The following TRIM55 variants were observed in gnomAD, a reference collection of about 807,000 sequenced individuals.
TRIM55 encodes the protein tripartite motif containing 55, also known as tripartite motif-containing protein 55.
TRIM55 carries 50 observed loss-of-function variants against 60.9 expected under a neutral mutation model. The ratio of observed to expected loss-of-function variants is 0.82; its 90% CI spans 0.65 to 1.04. TRIM55 has a LOEUF of 1.04. Among genes scored for constraint, TRIM55 ranks in the 50% least tolerant of loss-of-function variants. The probability of loss-of-function intolerance (pLI) is 0.00; values close to 1 mark genes in which losing one functional copy is unlikely to be tolerated. For missense variants in TRIM55, 681 were observed against 666.9 expected (o/e 1.02, Z -0.23); for synonymous variants, 237 against 238.1 (o/e 1.00, Z 0.04).
intron 2 of TRIM55, among the ~76,000 whole-genome samples, chr8:66,134,319 G>A (rs184136557): frequency 1.3e-5 from 2 of 152,142 alleles, no homozygotes; most frequent in Admixed American, 6.6e-5. Context: ...AATTCCTGGG[G>A]TTTATATAAG....
chr8:66,114,851 A>G, the TRIM55 span: 1 of 323,018 alleles, frequency 3.1e-6, no homozygotes, highest in South Asian at 2.6e-5. Context: ...CCTCCTGTGG[A>G]AGTTAACTGT....
At chr8:66,137,436 CT>C (rs1809546345) in intron 4 of TRIM55, among the ~76,000 whole-genome samples, 1 of 152,144 alleles carries the variant, frequency 6.6e-6, no homozygotes, top group Non-Finnish European at 1.5e-5. Flanking sequence ...TTCTTTCTTC[CT>C]TTTGAAAGAT....
intron 9 of TRIM55, among the ~76,000 whole-genome samples, chr8:66,160,451 T>G (rs555892747): frequency 6.6e-6 from 1 of 152,106 alleles, no homozygotes; most frequent in African/African-American, 2.4e-5. Flanking sequence ...ATTTTTCAAT[T>G]GTGAATTGTG....
At chr8:66,129,878 G>T (rs1214163224) in intron 2 of TRIM55, among the ~76,000 whole-genome samples, 2 of 152,320 alleles carry the variant, frequency 1.3e-5, no homozygotes, top group African/African-American at 4.8e-5. Flanking sequence ...CTAGTCCAGT[G>T]TCTTGCACAG....
the TRIM55 span, among the ~76,000 whole-genome samples, chr8:66,114,150 C>T: frequency 2.0e-5 from 3 of 147,358 alleles, no homozygotes; most frequent in African/African-American, 5.0e-5. Flanking sequence ...TGTTCTGACC[C>T]TTCTCTAAAG....
the TRIM55 span, chr8:66,115,328 A>C: frequency 2.0e-5 from 3 of 152,222 alleles, no homozygotes; most frequent in African/African-American, 7.2e-5. Flanking sequence ...TTTTAGTTGA[A>C]TGTATTGTAA....
At chr8:66,172,711 CAT>C (rs1181442658) in intron 9 of TRIM55, among the ~76,000 whole-genome samples, 1 of 152,236 alleles carries the variant, frequency 6.6e-6, no homozygotes, top group Non-Finnish European at 1.5e-5. Flanking sequence ...GCAGAAAACA[CAT>C]TACCCAACTT....
the TRIM55 span, chr8:66,114,804 CAGGGGCTGCCGTTGG>C: frequency 2.9e-6 from 1 of 340,084 alleles, no homozygotes; most frequent in East Asian, 7.6e-5. Context: ...TCCCTGGACA[CAGGGGCTGCCGTTGG>C]AGGAGGTTGT....
Position 66,152,424 on chromosome 8 carries a change from G to T in TRIM55, c.1033G>T (p.Gly345Ter). The change falls in exon 8 of 10, where the codon GGA (glycine) becomes TGA (stop). Residue 345 changes from glycine (G) to a stop codon, truncating the protein, a stop_gained. Coordinates refer to ENST00000315962, the MANE Select transcript of TRIM55 (RefSeq NM_184085.2). LOFTEE classifies it high-confidence loss of function. ...AGAAGGCGGAGAAGGAGAAAAAGAA[G>T]GAGAAGGAGAAGTGGGAGGAGAAGC... ...EEEGGEGEKE[G>*]EGEVGGEAVE... 2 of 1,611,688 alleles carry T rather than the reference G, an allele frequency of 1.2e-6. No individual in the cohort carries two copies. Among genetic ancestry groups the T allele is most frequent in the Non-Finnish European group, 1.7e-6 (2 of 1,178,228 alleles).
In TRIM55 at chr8:66,174,744, C is replaced by T; in HGVS notation, c.*151C>T. On this transcript the variant is annotated 3_prime_UTR_variant, in exon 10 of 10. Coordinates refer to ENST00000315962, the MANE Select transcript of TRIM55 (RefSeq NM_184085.2). Reference sequence around the variant, plus strand: ...AGCCCCAAACTGCAATTCCATATGACTTATCTAACATCTTGGGGGGAAAGA... The same window carrying T: ...AGCCCCAAACTGCAATTCCATATGATTTATCTAACATCTTGGGGGGAAAGA... The T allele has an allele frequency of 1.4e-6, 1 of 699,392 alleles. No individual in the cohort carries two copies. The highest frequency in any genetic ancestry group is 2.1e-6 in the Non-Finnish European group (1 of 471,458). The allele number at this position is 699,392 out of a possible 1,614,324, so 43.3% of individuals were successfully genotyped here.
At chr8:66,135,247 G>C in intron 3 of TRIM55, 92 bp downstream of exon 3, 7 of 1,442,780 alleles carry the variant, frequency 4.9e-6, no homozygotes, top group Non-Finnish European at 6.8e-6. Context: ...CCCTGCGGTG[G>C]AGGAGGAAGC....
chr8:66,114,580 G>A, the TRIM55 span: 1 of 456,350 alleles, frequency 2.2e-6, no homozygotes, highest in Non-Finnish European at 4.4e-6. Flanking sequence ...CTGAGGCTAA[G>A]CTGCCCATAG....
At chr8:66,169,148 C>A (rs1036567932) in intron 9 of TRIM55, among the ~76,000 whole-genome samples, 21 of 152,162 alleles carry the variant, frequency 1.4e-4, no homozygotes, top group Middle Eastern at 6.8e-3. Flanking sequence ...AAATAATGCC[C>A]CCCCACAAAT....
At chr8:66,130,398 C>T (rs962999238) in intron 2 of TRIM55, among the ~76,000 whole-genome samples, 1 of 152,182 alleles carries the variant, frequency 6.6e-6, no homozygotes, top group Non-Finnish European at 1.5e-5. Context: ...CCACAAGTTG[C>T]ACAGAGCACT....
the TRIM55 span, among the ~76,000 whole-genome samples, chr8:66,114,027 G>A: frequency 6.7e-6 from 1 of 149,146 alleles, no homozygotes; most frequent in African/African-American, 2.5e-5. Flanking sequence ...GACTGTAGGC[G>A]CGCGCCCGTG....
intron 8 of TRIM55, 83 bp from the exon 9 acceptor site, chr8:66,153,963 CA>C (rs35006010): frequency 7.2e-7 from 1 of 1,395,782 alleles, no homozygotes; most frequent in Non-Finnish European, 9.6e-7. Context: ...TGTTCAAACC[CA>C]AAGGGAACTA....
chr8:66,113,619 C>T, the TRIM55 span: 3 of 455,912 alleles, frequency 6.6e-6, no homozygotes, highest in African/African-American at 6.0e-5. Flanking sequence ...AGCCATTCGC[C>T]CTGCGGGAAC....
At chr8:66,132,796 G>A (rs1809240197) in intron 2 of TRIM55, among the ~76,000 whole-genome samples, 1 of 150,704 alleles carries the variant, frequency 6.6e-6, no homozygotes, top group South Asian at 2.1e-4. Flanking sequence ...TCTGGGGCTG[G>A]GCTACAACCT....
chr8:66,133,006 G>T (rs770483221), intron 2 of TRIM55, among the ~76,000 whole-genome samples: 3 of 152,200 alleles, frequency 2.0e-5, no homozygotes, highest in African/African-American at 4.8e-5. Flanking sequence ...TATCAGAACA[G>T]CATGTGGGAC....
Sources: gnomAD v4.1 joint callset for allele counts (sites outside exome capture counted in the v4.1 genomes callset) on GRCh38, gnomAD v4.1.1 for gene constraint, MANE v1.5 for transcripts, NCBI Gene and HGNC (gene_info 2026-07-23, HGNC 2026-07-21) for gene names.